Variants in NOX5 observed in about 807,000 individuals in gnomAD.
NOX5 encodes the protein NADPH oxidase 5, also known as NADPH oxidase, EF-hand calcium binding domain 5.
Under a neutral mutation model 85.7 loss-of-function variants are expected in NOX5, and 76 were observed. The ratio of observed to expected loss-of-function variants is 0.89; its 90% confidence interval spans 0.74 to 1.07. The LOEUF is 1.07. NOX5 is among the 50% of genes least tolerant of loss of function. The pLI is 0.00. For synonymous variants in NOX5, 405 were observed against 401.4 expected (o/e 1.01, Z -0.11); for missense variants, 973 against 999.5 (o/e 0.97, Z 0.36).
intron 1 of NOX5, among the ~76,000 whole-genome samples, chr15:69,015,485 G>A (rs1015254426): frequency 6.6e-6 from 1 of 152,092 alleles, no homozygotes; most frequent in Non-Finnish European, 1.5e-5. Flanking sequence ...ATGCCTTCCC[G>A]AGGGTCCCGA....
intron 4 of NOX5, among the ~76,000 whole-genome samples, chr15:69,032,765 C>T (rs973102290): frequency 5.9e-5 from 9 of 152,196 alleles, no homozygotes; most frequent in African/African-American, 2.2e-4. Flanking sequence ...ATTTCAGATT[C>T]TTCCATCCTT....
In NOX5 at chr15:69,014,725, G is replaced by A. The variant is rs1248648760; in HGVS notation, c.-11G>A. 2 of 1,550,490 alleles carry A rather than the reference G, an allele frequency of 1.3e-6. No homozygotes were observed. Among genetic ancestry groups the A allele is most frequent in the African/African-American group, 1.4e-5 (1 of 73,052 alleles). Reference sequence around the variant, plus strand: ...TCTTTCTGGGACCTGTGATCTAGAAGACAGGAGAAGATGAACACATCTGGA... The same window carrying A: ...TCTTTCTGGGACCTGTGATCTAGAAAACAGGAGAAGATGAACACATCTGGA... On this transcript the variant is annotated 5_prime_UTR_variant, in exon 1 of 16. Coordinates refer to ENST00000388866, the MANE Select transcript of NOX5 (RefSeq NM_024505.4).
intron 2 of NOX5, 67 bp downstream of exon 2, chr15:69,026,718 C>T: frequency 6.2e-7 from 1 of 1,604,774 alleles, no homozygotes. Context: ...AGGGCATAGC[C>T]CTTACAGGGA....
intron 9 of NOX5, among the ~76,000 whole-genome samples, chr15:69,040,169 C>A (rs1271178081): frequency 2.6e-5 from 4 of 152,226 alleles, no homozygotes; most frequent in Admixed American, 2.6e-4. Flanking sequence ...ATACCCCCTA[C>A]CTTGGAATCA....
At chr15:69,046,619 G>C (rs2050676705) in intron 10 of NOX5, among the ~76,000 whole-genome samples, 1 of 152,156 alleles carries the variant, frequency 6.6e-6, no homozygotes, top group African/African-American at 2.4e-5. Flanking sequence ...AATCAAGACT[G>C]TTATCCCTTC....
chr15:69,052,980 G>A (rs188022239), intron 14 of NOX5, among the ~76,000 whole-genome samples: 158 of 152,278 alleles, frequency 1.0e-3, no homozygotes, highest in African/African-American at 3.4e-3. Flanking sequence ...TGTAAACAAA[G>A]GGTAACAGCT....
rs1260370620 is a variant in NOX5 at position 69,059,166 on chromosome 15, A to G, written c.*2470A>G. 4 of 152,232 alleles carry G rather than the reference A, an allele frequency of 2.6e-5. No homozygotes were observed. The East Asian group carries it at 7.7e-4, about 29-fold the overall frequency. 9.4% of individuals were successfully genotyped at this position (152,232 alleles called of 1,614,324 possible). A position where few individuals can be genotyped will look rare whatever the true frequency, so the allele number is the denominator to read the frequency against. ...TGGGAGCAGGTGGAAGGACTTGGACATACGATTCTAAAATCCGTGAATGCC... is the reference window on the plus strand; with the variant it reads ...TGGGAGCAGGTGGAAGGACTTGGACGTACGATTCTAAAATCCGTGAATGCC... On this transcript the variant is annotated 3_prime_UTR_variant, in exon 16 of 16. Coordinates refer to ENST00000388866, the MANE Select transcript of NOX5 (RefSeq NM_024505.4).
intron 1 of NOX5, chr15:69,023,776 C>T (rs16952735): frequency 0.053 from 9,177 of 173,262 alleles, 686 homozygotes; most frequent in East Asian, 0.18. Flanking sequence ...GATGTTTTCC[C>T]TCATGATGGT....
chr15:69,016,260 T>G (rs1265713412), intron 1 of NOX5, among the ~76,000 whole-genome samples: 11 of 152,158 alleles, frequency 7.2e-5, no homozygotes, highest in Non-Finnish European at 4.4e-5. Context: ...GGCATTGCCC[T>G]GGCCCTTGAC....
chr15:69,027,682 T>C lies in NOX5; in HGVS notation c.175-533T>C, dbSNP rs34980851. ...ACACAGTACAAGACTGCTCAGTGAA[T>C]GAATGAGTGAACTGGTGATTAAGAA... On this transcript the variant is annotated intron_variant, in intron 2 of 15. Coordinates refer to ENST00000388866, the MANE Select transcript of NOX5 (RefSeq NM_024505.4). Among the ~76,000 whole-genome samples, 1,095 of 152,276 alleles carry C rather than the reference T, an allele frequency of 7.2e-3. 6 individuals are homozygous for C. Among genetic ancestry groups the C allele is most frequent in the Non-Finnish European group, 0.012 (790 of 68,018 alleles).
intron 13 of NOX5, among the ~76,000 whole-genome samples, 193 bp downstream of exon 13, chr15:69,048,104 G>C (rs1271143535): frequency 6.6e-6 from 1 of 152,224 alleles, no homozygotes; most frequent in African/African-American, 2.4e-5. Context: ...CTCCGCCCCT[G>C]CTTCAACATT....
rs145992353 is a variant in NOX5 at position 69,031,522 on chromosome 15, T to C, written c.330T>C (p.Cys110=). 3,858 of 1,606,316 alleles carry C rather than the reference T, an allele frequency of 2.4e-3. 10 individuals are homozygous for C. Among genetic ancestry groups the C allele is most frequent in the South Asian group, 3.9e-3 (355 of 90,984 alleles). Residue 110 remains cysteine (C), a synonymous_variant, in exon 4 of 16, where the codon TGT becomes TGC. Coordinates refer to ENST00000388866, the MANE Select transcript of NOX5 (RefSeq NM_024505.4). The part of the protein sequence containing the change: ...FLFQVYDIDV[C]ARQGASAGTE... ...GAGGCCCACCACTTCTTGCAGTGTGTGCACGGCAGGGGGCGTCTGCAGGTA... is the reference window on the plus strand; with the variant it reads ...GAGGCCCACCACTTCTTGCAGTGTGCGCACGGCAGGGGGCGTCTGCAGGTA...
At chr15:69,032,503 C>T (rs571607322) in intron 4 of NOX5, among the ~76,000 whole-genome samples, 35 of 151,960 alleles carry the variant, frequency 2.3e-4, no homozygotes, top group African/African-American at 8.0e-4. Flanking sequence ...CTCCGCCTCC[C>T]GGGTTCAAGC....
intron 1 of NOX5, among the ~76,000 whole-genome samples, chr15:69,018,970 C>T (rs2050265548): frequency 6.6e-6 from 1 of 152,166 alleles, no homozygotes; most frequent in Non-Finnish European, 1.5e-5. Context: ...TCAAGCCATC[C>T]TCCCACCTCA....
At chr15:69,047,977 C>G in intron 13 of NOX5, 66 bp downstream of exon 13, 3 of 1,410,978 alleles carry the variant, frequency 2.1e-6, no homozygotes, top group Non-Finnish European at 3.0e-6. Context: ...AAAATAGGAG[C>G]CCATCCTCCT....
At chr15:69,047,348 C>G in intron 11 of NOX5, 65 bp from the exon 12 acceptor site, 1 of 1,488,832 alleles carries the variant, frequency 6.7e-7, no homozygotes, top group Non-Finnish European at 8.9e-7. Context: ...TGGGGACATC[C>G]CCTGGTAGCA....
Position 69,057,781 on chromosome 15 carries a change from A to G in NOX5, c.*1085A>G, listed in dbSNP as rs1327274942. ...TGACATGAGACGCCAAGTGCTCAAG[A>G]CATTCCACCTCAGTTCAGCTCCTTG... is the stretch of plus-strand genomic sequence containing the variant. On this transcript the variant is annotated 3_prime_UTR_variant, in exon 16 of 16. Transcript: ENST00000388866. The G allele has an allele frequency of 6.6e-6, 1 of 152,276 alleles. No homozygotes were observed. Among genetic ancestry groups the G allele is most frequent in the East Asian group, 1.9e-4 (1 of 5,208 alleles). 9.4% of individuals were successfully genotyped at this position (152,276 alleles called of 1,614,324 possible). A position where few individuals can be genotyped will look rare whatever the true frequency, so the allele number is the denominator to read the frequency against.
intron 10 of NOX5, among the ~76,000 whole-genome samples, chr15:69,045,586 C>CTTTCTTTCTTCCCTTTCT (rs1595786291): frequency 1.2e-5 from 1 of 84,938 alleles, no homozygotes; most frequent in African/African-American, 4.3e-5. Flanking sequence ...TCTTTCTTTT[C>CTTTCTTTCTTCCCTTTCT]TTTCTTTCTT....
At chr15:69,026,988 T>C (rs1422445135) in intron 2 of NOX5, among the ~76,000 whole-genome samples, 1 of 152,182 alleles carries the variant, frequency 6.6e-6, no homozygotes, top group African/African-American at 2.4e-5. Context: ...ATTAAAGTCC[T>C]GTCTGCTGTG....
Sources: allele counts gnomAD v4.1 joint callset (sites outside exome capture counted in the v4.1 genomes callset), GRCh38; gene constraint gnomAD v4.1.1; transcripts MANE v1.5; gene names NCBI Gene and HGNC (gene_info 2026-07-23, HGNC 2026-07-21).